The following RHEX variants were observed in gnomAD, a reference collection of about 807,000 sequenced individuals.
RHEX encodes regulator of hemoglobinization and erythroid cell expansion.
In RHEX, 18 loss-of-function variants were observed where a neutral mutation model predicts 20.1. The ratio of observed to expected loss-of-function variants is 0.90; its 90% CI spans 0.62 to 1.33. RHEX has a LOEUF of 1.33. Among genes scored for constraint, RHEX ranks in the 40% most tolerant of loss-of-function variants. RHEX has a pLI of 0.00. For synonymous variants in RHEX, 87 were observed against 77.1 expected (o/e 1.13, Z -0.67); for missense variants, 192 against 214.3 (o/e 0.90, Z 0.65).
intron 1 of RHEX, among the ~76,000 whole-genome samples, chr1:206,079,086 A>G (rs1034024037): frequency 3.0e-4 from 46 of 152,352 alleles, no homozygotes; most frequent in African/African-American, 1.1e-3. Flanking sequence ...ATCTTAATAT[A>G]GTGTTCATGA....
At chr1:206,096,025 T>C (rs570855284) in intron 1 of RHEX, among the ~76,000 whole-genome samples, 51 of 152,082 alleles carry the variant, frequency 3.4e-4, no homozygotes, top group Non-Finnish European at 4.6e-4. Context: ...AGATGGGGTC[T>C]TGCTATGTTA....
chr1:206,077,829 G>A (rs375688759), intron 1 of RHEX, among the ~76,000 whole-genome samples: 9 of 152,230 alleles, frequency 5.9e-5, no homozygotes, highest in African/African-American at 1.4e-4. Flanking sequence ...TTTTCTCACC[G>A]TATTAAGGGC....
intron 5 of RHEX, 147 bp downstream of exon 5, chr1:206,101,344 G>T: frequency 1.5e-6 from 1 of 664,092 alleles, no homozygotes; most frequent in Non-Finnish European, 2.6e-6. Flanking sequence ...TCAGGTGAGG[G>T]GGGGTCAGGC....
At chr1:206,072,374 G>A (rs1553284748) in intron 1 of RHEX, among the ~76,000 whole-genome samples, 1 of 152,164 alleles carries the variant, frequency 6.6e-6, no homozygotes, top group East Asian at 1.9e-4. Context: ...AAGAGTTCGA[G>A]ACCATCCTGG....
intron 1 of RHEX, among the ~76,000 whole-genome samples, chr1:206,073,994 C>A (rs545150723): frequency 3.3e-5 from 5 of 152,272 alleles, no homozygotes; most frequent in Admixed American, 3.3e-4. Flanking sequence ...CCATTCCCAC[C>A]TTTGCAGCCT....
At chr1:206,091,078 G>A (rs1317528657) in intron 1 of RHEX, among the ~76,000 whole-genome samples, 2 of 152,204 alleles carry the variant, frequency 1.3e-5, no homozygotes, top group Non-Finnish European at 2.9e-5. Context: ...GCCTGCCTGA[G>A]CACAAAGGCT....
chr1:206,101,288 G>A, intron 5 of RHEX, 91 bp downstream of exon 5: 1 of 1,002,854 alleles, frequency 1.0e-6, no homozygotes, highest in Non-Finnish European at 1.5e-6. Context: ...CCCCAGCTAT[G>A]TAGTGGGAGC....
chr1:206,071,111 G>A (rs1344160172), intron 1 of RHEX, among the ~76,000 whole-genome samples: 2 of 152,302 alleles, frequency 1.3e-5, no homozygotes, highest in Non-Finnish European at 2.9e-5. Context: ...AACCTCATAA[G>A]TAGGGAAGCC....
chr1:206,059,606 G>GAATGCAGATA (rs1404452053), intron 1 of RHEX, among the ~76,000 whole-genome samples: 203 of 151,514 alleles, frequency 1.3e-3, no homozygotes, highest in African/African-American at 4.9e-3. Context: ...GAAGGAGACT[G>GAATGCAGATA]AATGCAGATA....
chr1:206,054,189 T>C (rs1378267450), intron 1 of RHEX, among the ~76,000 whole-genome samples: 1 of 151,784 alleles, frequency 6.6e-6, no homozygotes, highest in African/African-American at 2.4e-5. Flanking sequence ...TGGTAAATTC[T>C]TGTCCTGAAA....
intron 1 of RHEX, among the ~76,000 whole-genome samples, chr1:206,076,403 C>A (rs1016104085): frequency 6.6e-6 from 1 of 152,170 alleles, no homozygotes; most frequent in Admixed American, 6.5e-5. Context: ...TGGGCTCAAG[C>A]GATCCACCCT....
chr1:206,089,249 C>T (rs1662899624), intron 1 of RHEX, among the ~76,000 whole-genome samples: 6 of 151,760 alleles, frequency 4.0e-5, no homozygotes, highest in Admixed American at 3.9e-4. Context: ...CACTATGTTG[C>T]CCAGGCTGGT....
intron 1 of RHEX, among the ~76,000 whole-genome samples, chr1:206,065,093 G>T (rs541793285): frequency 6.6e-6 from 1 of 152,006 alleles, no homozygotes; most frequent in Non-Finnish European, 1.5e-5. Flanking sequence ...CTCATTAAGA[G>T]TCATCACCAC....
intron 1 of RHEX, 184 bp from the exon 2 acceptor site, chr1:206,097,549 C>T (rs1571874120): frequency 9.5e-6 from 5 of 528,208 alleles, no homozygotes; most frequent in Non-Finnish European, 1.7e-5. Context: ...GTTAAGTGCA[C>T]TTTACTCATC....
chr1:206,064,005 G>A lies in RHEX; in HGVS notation c.-97+10740G>A, dbSNP rs1211188802. Among the ~76,000 whole-genome samples the A allele has an allele frequency of 6.0e-5, 9 of 150,598 alleles. No homozygotes were observed. The South Asian group carries it at 1.5e-3, about 25-fold the overall frequency. On this transcript the variant is annotated intron_variant, in intron 1 of 5. Coordinates refer to ENST00000331555, the MANE Select transcript of RHEX (RefSeq NM_001007544.4). ...AAGTGAGGAGCGTCTCTGCCCGGCCGCCCATCGTCTGAGATGTGGGGAGCG... is the reference window on the plus strand; with the variant it reads ...AAGTGAGGAGCGTCTCTGCCCGGCCACCCATCGTCTGAGATGTGGGGAGCG...
intron 1 of RHEX, among the ~76,000 whole-genome samples, chr1:206,066,244 C>T (rs1417385852): frequency 2.6e-5 from 4 of 152,204 alleles, no homozygotes; most frequent in African/African-American, 7.2e-5. Context: ...CTAGACATTC[C>T]CCTAATTTAT....
chr1:206,057,561 C>A (rs1384601621), intron 1 of RHEX, among the ~76,000 whole-genome samples: 1 of 152,258 alleles, frequency 6.6e-6, no homozygotes, highest in East Asian at 1.9e-4. Flanking sequence ...CAGAATTGCA[C>A]TGGGACTGGA....
chr1:206,094,781 T>A (rs1289828885), intron 1 of RHEX, among the ~76,000 whole-genome samples: 1 of 152,218 alleles, frequency 6.6e-6, no homozygotes, highest in Admixed American at 6.5e-5. Context: ...ACTCCCGGCC[T>A]CGGTGATCCT....
At position 206,097,770 on chromosome 1, in the gene RHEX, A is replaced by T; in HGVS notation, c.-59A>T. On this transcript the variant is annotated 5_prime_UTR_variant, in exon 2 of 6. Coordinates refer to ENST00000331555, the MANE Select transcript of RHEX (RefSeq NM_001007544.4). ...CTGCCGGTGGCACTACTGAGAGACGAGGTGCCAGGGTGGTTCCTGAAAGTG... is the reference window on the plus strand; with the variant it reads ...CTGCCGGTGGCACTACTGAGAGACGTGGTGCCAGGGTGGTTCCTGAAAGTG... 2 of 1,614,054 alleles carry T rather than the reference A, an allele frequency of 1.2e-6. No homozygotes were observed. Among genetic ancestry groups the T allele is most frequent in the Non-Finnish European group, 1.7e-6 (2 of 1,179,910 alleles).
Sources: allele counts gnomAD v4.1 joint callset (sites outside exome capture counted in the v4.1 genomes callset), GRCh38; gene constraint gnomAD v4.1.1; transcripts MANE v1.5; gene names NCBI Gene and HGNC (gene_info 2026-07-23, HGNC 2026-07-21).